The following GRIN2B variants were observed in gnomAD, a reference collection of about 807,000 sequenced individuals.
The protein encoded by GRIN2B is glutamate ionotropic receptor NMDA type subunit 2B, also known as glutamate receptor ionotropic, NMDA 2B.
In GRIN2B, 5 loss-of-function variants were observed where a neutral mutation model predicts 114.5. The ratio of observed to expected loss-of-function variants is 0.04; its 90% CI spans 0.02 to 0.09. The LOEUF (loss-of-function observed/expected upper bound fraction) is 0.09. GRIN2B is among the 10% of genes least tolerant of loss of function. The probability of loss-of-function intolerance (pLI) is 1.00; values close to 1 mark genes in which losing one functional copy is unlikely to be tolerated. For missense variants in GRIN2B, 1,108 were observed against 1,943.5 expected (o/e 0.57, Z 8.08); for synonymous variants, 787 against 745.1 (o/e 1.06, Z -0.92).
chr12:13,950,203 G>C (rs1394209532), intron 2 of GRIN2B, among the ~76,000 whole-genome samples: 2 of 152,188 alleles, frequency 1.3e-5, no homozygotes, highest in Non-Finnish European at 2.9e-5. Context: ...CCACACACTA[G>C]AAGTTACAAA....
At chr12:13,579,542 T>C (rs1036179118) in intron 10 of GRIN2B, among the ~76,000 whole-genome samples, 3 of 152,242 alleles carry the variant, frequency 2.0e-5, no homozygotes, top group Admixed American at 2.0e-4. Flanking sequence ...AAATACACTA[T>C]GTTAGCTATT....
At chr12:13,922,520 CTG>C (rs1866841508) in intron 2 of GRIN2B, among the ~76,000 whole-genome samples, 1 of 152,176 alleles carries the variant, frequency 6.6e-6, no homozygotes, top group African/African-American at 2.4e-5. Flanking sequence ...ATGGGCAAGA[CTG>C]TAAAACTCAT....
chr12:13,911,019 A>C (rs777316069), intron 2 of GRIN2B, among the ~76,000 whole-genome samples: 74 of 151,898 alleles, frequency 4.9e-4, no homozygotes, highest in Admixed American at 1.4e-3. Context: ...ATATTTTCCA[A>C]CCCTTTCTGC....
At chr12:13,938,812 C>A (rs915388604) in intron 2 of GRIN2B, among the ~76,000 whole-genome samples, 2 of 152,160 alleles carry the variant, frequency 1.3e-5, no homozygotes, top group African/African-American at 2.4e-5. Flanking sequence ...GAGTTGCTAG[C>A]TATTACAGTT....
chr12:13,844,179 G>A (rs1252132580), intron 3 of GRIN2B, among the ~76,000 whole-genome samples: 2 of 152,202 alleles, frequency 1.3e-5, no homozygotes, highest in African/African-American at 4.8e-5. Flanking sequence ...GGAGGGGACG[G>A]ATAAGGTGAG....
intron 2 of GRIN2B, among the ~76,000 whole-genome samples, chr12:13,967,708 T>G (rs552925647): frequency 3.9e-5 from 6 of 152,120 alleles, no homozygotes; most frequent in Non-Finnish European, 5.9e-5. Context: ...AGAGACACGA[T>G]AGCAGTCCTT....
At chr12:13,593,807 C>G (rs967059118) in intron 10 of GRIN2B, among the ~76,000 whole-genome samples, 3 of 152,146 alleles carry the variant, frequency 2.0e-5, no homozygotes, top group Admixed American at 2.0e-4. Flanking sequence ...TATCCAGAAT[C>G]TACAAAGCAC....
At chr12:13,614,313 G>A (rs1393604438) in intron 8 of GRIN2B, among the ~76,000 whole-genome samples, 1 of 152,202 alleles carries the variant, frequency 6.6e-6, no homozygotes, top group Non-Finnish European at 1.5e-5. Context: ...ATGTGCCTTA[G>A]AGAGACGGTG....
chr12:13,939,667 A>T (rs1355174093), intron 2 of GRIN2B, among the ~76,000 whole-genome samples: 3 of 146,314 alleles, frequency 2.1e-5, no homozygotes. Flanking sequence ...TAATCCTCCC[A>T]GTTCAGCCTC....
intron 3 of GRIN2B, among the ~76,000 whole-genome samples, chr12:13,779,505 T>A (rs1464695997): frequency 6.6e-6 from 1 of 152,172 alleles, no homozygotes; most frequent in Non-Finnish European, 1.5e-5. Context: ...TATATTAAAA[T>A]AAATAAAATG....
intron 5 of GRIN2B, among the ~76,000 whole-genome samples, chr12:13,667,000 T>C (rs1274294366): frequency 6.6e-6 from 1 of 152,146 alleles, no homozygotes; most frequent in Non-Finnish European, 1.5e-5. Flanking sequence ...TCCCTACTGG[T>C]GAAAGAAGGG....
At chr12:13,852,830 G>T (rs1865594713) in intron 3 of GRIN2B, among the ~76,000 whole-genome samples, 2 of 151,828 alleles carry the variant, frequency 1.3e-5, no homozygotes, top group Admixed American at 6.6e-5. Flanking sequence ...CATCTGAAAA[G>T]ACACTATATC....
At chr12:13,596,512 CCTCCA>C (rs979509740) in intron 10 of GRIN2B, among the ~76,000 whole-genome samples, 1 of 152,170 alleles carries the variant, frequency 6.6e-6, no homozygotes, top group Non-Finnish European at 1.5e-5. Context: ...GGTGTCCTTC[CCTCCA>C]CTCCATTTCT....
intron 4 of GRIN2B, among the ~76,000 whole-genome samples, chr12:13,749,529 G>C (rs569059128): frequency 6.6e-6 from 1 of 152,214 alleles, no homozygotes; most frequent in African/African-American, 2.4e-5. Flanking sequence ...GAGAATAGCA[G>C]GCCAAAGGAA....
intron 3 of GRIN2B, among the ~76,000 whole-genome samples, chr12:13,826,080 C>A (rs940650787): frequency 2.0e-5 from 3 of 151,584 alleles, no homozygotes; most frequent in African/African-American, 7.3e-5. Flanking sequence ...TTCTGTATTA[C>A]TTCCACCATT....
chr12:13,835,771 TAA>T (rs1165005583), intron 3 of GRIN2B, among the ~76,000 whole-genome samples: 26,638 of 91,442 alleles, frequency 0.29, 2,952 homozygotes, highest in South Asian at 0.37. Flanking sequence ...CATAGCACAT[TAA>T]AAAAAAAAAA....
chr12:13,796,354 C>T (rs1055448774), intron 3 of GRIN2B, among the ~76,000 whole-genome samples: 1 of 152,188 alleles, frequency 6.6e-6, no homozygotes, highest in African/African-American at 2.4e-5. Context: ...GGGTCATCAG[C>T]CAGACTCCTT....
At chr12:13,581,241 C>T (rs753459374) in intron 10 of GRIN2B, among the ~76,000 whole-genome samples, 1 of 152,148 alleles carries the variant, frequency 6.6e-6, no homozygotes, top group African/African-American at 2.4e-5. Context: ...ATCTTTTGAT[C>T]TTCTCAGTTT....
intron 2 of GRIN2B, among the ~76,000 whole-genome samples, chr12:13,953,447 C>T (rs1333782678): frequency 6.6e-6 from 1 of 152,166 alleles, no homozygotes; most frequent in Non-Finnish European, 1.5e-5. Context: ...CACCAATTTG[C>T]TTATTCACTC....
Sources: allele counts gnomAD v4.1 joint callset (sites outside exome capture counted in the v4.1 genomes callset), GRCh38; gene constraint gnomAD v4.1.1; transcripts MANE v1.5; gene names NCBI Gene and HGNC (gene_info 2026-07-23, HGNC 2026-07-21).